Variants in ATG10 observed in about 807,000 individuals in gnomAD.
ATG10 encodes ubiquitin-like-conjugating enzyme ATG10.
In ATG10, 30 loss-of-function variants were observed where a neutral mutation model predicts 32.1. The ratio of observed to expected loss-of-function variants is 0.94; its 90% CI spans 0.70 to 1.27. The LOEUF (loss-of-function observed/expected upper bound fraction) is 1.27, where lower values mean the gene tolerates loss of function less well. ATG10 is among the 50% of genes most tolerant of loss of function. The pLI, the probability that ATG10 is intolerant of heterozygous loss-of-function variation, is 0.00. For synonymous variants in ATG10, 87 were observed against 91.5 expected, an observed-to-expected ratio of 0.95 and a Z score of 0.28; for missense variants, 233 against 262.3, an observed-to-expected ratio of 0.89 and a Z score of 0.77.
At chr5:82,038,813 C>T (rs962069399) in intron 2 of ATG10, among the ~76,000 whole-genome samples, 1 of 152,094 alleles carries the variant, frequency 6.6e-6, no homozygotes, top group South Asian at 2.1e-4. Context: ...CTTTTTATTT[C>T]AATTATGATG....
chr5:82,222,410 A>G (rs1745965164), intron 5 of ATG10, among the ~76,000 whole-genome samples: 1 of 152,234 alleles, frequency 6.6e-6, no homozygotes, highest in East Asian at 1.9e-4. Context: ...TGGATTAAAT[A>G]CAATAGTAAA....
intron 3 of ATG10, among the ~76,000 whole-genome samples, chr5:82,163,457 A>G (rs1021599773): frequency 2.6e-5 from 4 of 152,188 alleles, no homozygotes; most frequent in African/African-American, 9.6e-5. Context: ...ACCTTATTTC[A>G]TATTGATAAA....
intron 3 of ATG10, among the ~76,000 whole-genome samples, chr5:82,138,536 C>G (rs748422923): frequency 3.3e-5 from 5 of 152,036 alleles, no homozygotes; most frequent in Admixed American, 6.6e-5. Flanking sequence ...CCTGCCTTGC[C>G]CTGTGTGGGC....
At chr5:82,201,181 G>A (rs992039573) in intron 5 of ATG10, among the ~76,000 whole-genome samples, 9 of 152,008 alleles carry the variant, frequency 5.9e-5, no homozygotes, top group Non-Finnish European at 7.4e-5. Context: ...CACCTTGCCC[G>A]GCCTAAAAAT....
chr5:82,181,216 G>C lies in ATG10; in HGVS notation c.453+2629G>C, dbSNP rs1359067964. Reference sequence around the variant, plus strand: ...CACTACAACACAACTATAAAACTTAGGTGGTCCTTTGGAATTGATCTTATT... The same window carrying C: ...CACTACAACACAACTATAAAACTTACGTGGTCCTTTGGAATTGATCTTATT... On this transcript the variant is annotated intron_variant, in intron 5 of 7. Coordinates refer to ENST00000282185, the MANE Select transcript of ATG10 (RefSeq NM_031482.5). Among the ~76,000 whole-genome samples, 5 of 152,214 alleles carry C rather than the reference G, an allele frequency of 3.3e-5. No homozygotes were observed. The East Asian group carries it at 9.6e-4, about 29-fold the overall frequency.
chr5:82,014,895 G>C (rs533302266), intron 2 of ATG10, among the ~76,000 whole-genome samples: 1 of 152,138 alleles, frequency 6.6e-6, no homozygotes, highest in Non-Finnish European at 1.5e-5. Context: ...GATTTTGCTC[G>C]TTAGTTGATG....
chr5:81,984,532 T>A (rs1195326842), intron 1 of ATG10, among the ~76,000 whole-genome samples: 1 of 152,254 alleles, frequency 6.6e-6, no homozygotes, highest in Non-Finnish European at 1.5e-5. Flanking sequence ...ACCTGTAGTC[T>A]GAATTTAGTT....
rs1359896218 is a variant in ATG10, at chr5:82,177,643, G to A, written c.356-847G>A. ...ACTTCTTCTTTCTGCTTTCTTTTCA[G>A]AACTTAGATACCTATTTTTCCACTT... On this transcript the variant is annotated intron_variant, in intron 4 of 7. Coordinates refer to ENST00000282185, the MANE Select transcript of ATG10 (RefSeq NM_031482.5). Among the ~76,000 whole-genome samples, 6 of 152,004 alleles carry A rather than the reference G, an allele frequency of 3.9e-5. No individual in the cohort carries two copies. In the East Asian group the frequency reaches 9.6e-4, roughly 24 times the overall value.
intron 3 of ATG10, among the ~76,000 whole-genome samples, chr5:82,103,549 C>G (rs1054723574): frequency 1.3e-5 from 2 of 152,154 alleles, no homozygotes; most frequent in African/African-American, 4.8e-5. Context: ...CCTGCTGCTT[C>G]CCACTTGTCC....
At chr5:82,049,563 A>T (rs184842143) in intron 2 of ATG10, among the ~76,000 whole-genome samples, 234 of 150,732 alleles carry the variant, frequency 1.6e-3, no homozygotes, top group African/African-American at 4.6e-3. Context: ...TAATAAATAA[A>T]AAAAAAAAGA....
chr5:82,239,919 T>C (rs1352077362), intron 5 of ATG10, among the ~76,000 whole-genome samples: 1 of 152,058 alleles, frequency 6.6e-6, no homozygotes, highest in Non-Finnish European at 1.5e-5. Context: ...ATGAAAAAAT[T>C]GCCCAACATC....
chr5:82,167,535 GA>G (rs1476497615), intron 4 of ATG10, among the ~76,000 whole-genome samples: 3 of 152,172 alleles, frequency 2.0e-5, no homozygotes, highest in African/African-American at 7.2e-5. Context: ...GCCAGGTTTT[GA>G]AAGAGGAAGT....
intron 3 of ATG10, among the ~76,000 whole-genome samples, chr5:82,119,080 A>C (rs2149824131): frequency 6.6e-6 from 1 of 152,300 alleles, no homozygotes; most frequent in East Asian, 1.9e-4. Context: ...AATTACTTTA[A>C]CCTATGGAGA....
intron 5 of ATG10, among the ~76,000 whole-genome samples, chr5:82,191,346 T>C (rs1744652819): frequency 6.6e-6 from 1 of 152,246 alleles, no homozygotes; most frequent in Non-Finnish European, 1.5e-5. Flanking sequence ...TGTCCAGAGT[T>C]GGTCTGTGGG....
intron 2 of ATG10, among the ~76,000 whole-genome samples, chr5:82,036,968 TA>T (rs1168389400): frequency 2.0e-5 from 3 of 150,988 alleles, no homozygotes; most frequent in Admixed American, 6.6e-5. Context: ...CCGTCTGTAC[TA>T]AAAATACAAA....
chr5:82,196,114 T>C (rs940349811), intron 5 of ATG10, among the ~76,000 whole-genome samples: 6 of 152,232 alleles, frequency 3.9e-5, no homozygotes, highest in African/African-American at 1.4e-4. Context: ...ATTGTGGTTT[T>C]GATTTGCACT....
chr5:82,247,447 G>A (rs894095414), intron 5 of ATG10, among the ~76,000 whole-genome samples: 5 of 151,604 alleles, frequency 3.3e-5, no homozygotes, highest in African/African-American at 9.7e-5. Flanking sequence ...TTTATTTCTG[G>A]TATTGTACTT....
chr5:82,199,799 C>G (rs911619902), intron 5 of ATG10, among the ~76,000 whole-genome samples: 2 of 152,168 alleles, frequency 1.3e-5, no homozygotes, highest in African/African-American at 4.8e-5. Flanking sequence ...TTCCCTTGTG[C>G]AGCCCCTTGT....
At chr5:82,064,730 A>G (rs1004310179) in intron 3 of ATG10, among the ~76,000 whole-genome samples, 3 of 152,136 alleles carry the variant, frequency 2.0e-5, no homozygotes, top group East Asian at 1.9e-4. Context: ...TAATATTAAT[A>G]TGGCAAATAA....
Sources: allele counts gnomAD v4.1 joint callset (sites outside exome capture counted in the v4.1 genomes callset), GRCh38; gene constraint gnomAD v4.1.1; transcripts MANE v1.5; gene names NCBI Gene and HGNC (gene_info 2026-07-23, HGNC 2026-07-21).